The following SRGAP3 variants were observed in gnomAD, a reference collection of about 807,000 sequenced individuals.
The protein encoded by SRGAP3 is SLIT-ROBO Rho GTPase-activating protein 3.
In SRGAP3, 39 loss-of-function variants were observed where a neutral mutation model predicts 121.1. That is an observed-to-expected ratio of 0.32 (90% CI 0.25 to 0.42). The LOEUF is 0.42. SRGAP3 is among the 10% of genes least tolerant of loss of function. The probability of loss-of-function intolerance (pLI) is 1.00; values close to 1 mark genes in which losing one functional copy is unlikely to be tolerated. For synonymous variants in SRGAP3, 601 were observed against 570.0 expected (o/e 1.05, Z -0.77); for missense variants, 1,213 against 1,470.6 (o/e 0.82, Z 2.86).
At chr3:9,170,782 C>A (rs1470679213) in intron 1 of SRGAP3, among the ~76,000 whole-genome samples, 1 of 152,254 alleles carries the variant, frequency 6.6e-6, no homozygotes, top group East Asian at 1.9e-4. Flanking sequence ...ACCACAGATA[C>A]CTGCCCTCAG....
intron 1 of SRGAP3, among the ~76,000 whole-genome samples, chr3:9,222,348 G>T (rs982593873): frequency 6.6e-6 from 1 of 152,210 alleles, no homozygotes; most frequent in African/African-American, 2.4e-5. Flanking sequence ...CCGATTCGTA[G>T]AACAAACCAG....
At chr3:9,064,246 T>C in intron 5 of SRGAP3, 150 bp downstream of exon 5, 2 of 1,034,326 alleles carry the variant, frequency 1.9e-6, no homozygotes, top group Non-Finnish European at 2.8e-6. Flanking sequence ...AAAGAGGAGA[T>C]GCTGGCTACA....
intron 1 of SRGAP3, among the ~76,000 whole-genome samples, chr3:9,159,194 C>T (rs1950523952): frequency 6.6e-6 from 1 of 152,270 alleles, no homozygotes. Context: ...CCCCACCACC[C>T]ACCATCCCAC....
At chr3:9,271,208 C>T (rs1034389593) in intron 3 of SRGAP3, among the ~76,000 whole-genome samples, 16 of 152,190 alleles carry the variant, frequency 1.1e-4, no homozygotes, top group African/African-American at 3.9e-4. Context: ...GTGGCATGCG[C>T]CTGTAATCCC....
intron 1 of SRGAP3, among the ~76,000 whole-genome samples, chr3:9,331,857 T>A (rs1244052693): frequency 6.6e-6 from 1 of 152,068 alleles, no homozygotes; most frequent in African/African-American, 2.4e-5. Context: ...ACCTTCCAAA[T>A]GAATTAACCC....
At chr3:9,144,692 A>C (rs1949966999) in intron 1 of SRGAP3, among the ~76,000 whole-genome samples, 1 of 152,170 alleles carries the variant, frequency 6.6e-6, no homozygotes, top group Non-Finnish European at 1.5e-5. Context: ...TTCACCTCCC[A>C]CCATGATTCT....
At chr3:9,146,838 A>G (rs1950042499) in intron 1 of SRGAP3, among the ~76,000 whole-genome samples, 1 of 152,194 alleles carries the variant, frequency 6.6e-6, no homozygotes, top group Non-Finnish European at 1.5e-5. Context: ...CAGGAAGCAG[A>G]GGTCAACCAC....
At chr3:9,107,373 T>C (rs1052394370) in intron 2 of SRGAP3, among the ~76,000 whole-genome samples, 1 of 152,220 alleles carries the variant, frequency 6.6e-6, no homozygotes, top group African/African-American at 2.4e-5. Context: ...AGAGCATCAG[T>C]TCTGCTGGAG....
chr3:9,248,351 A>G (rs1387175491), intron 1 of SRGAP3, among the ~76,000 whole-genome samples: 1 of 152,242 alleles, frequency 6.6e-6, no homozygotes, highest in Non-Finnish European at 1.5e-5. Flanking sequence ...AGGCCAGCCC[A>G]GAGACACCGA....
intron 1 of SRGAP3, among the ~76,000 whole-genome samples, chr3:9,174,642 C>T (rs1482624737): frequency 6.6e-6 from 1 of 152,208 alleles, no homozygotes; most frequent in African/African-American, 2.4e-5. Flanking sequence ...CCTAAGGTTT[C>T]AGGACCCATG....
At chr3:9,253,697 C>T (rs1483631684), upstream of SRGAP3, among the ~76,000 whole-genome samples, 1 of 152,132 alleles carries the variant, frequency 6.6e-6, no homozygotes, top group African/African-American at 2.4e-5. Context: ...AAGCAACAAG[C>T]AGAACTCAGC....
chr3:8,992,947 C>T lies in SRGAP3; in HGVS notation c.2517G>A (p.Thr839=), dbSNP rs757004213. The T allele has an allele frequency of 3.0e-5, 48 of 1,614,110 alleles. No homozygotes were observed. The highest frequency in any genetic ancestry group is 3.7e-5 in the Non-Finnish European group (44 of 1,180,056). The change falls in exon 20 of 22, where the codon ACG becomes ACA. Residue 839 remains threonine (T), a synonymous_variant. Transcript: ENST00000383836. The stretch of plus-strand genomic sequence containing the variant: ...CAAAGCCGTAATCCGAGATGTGCTC[C>T]GTGGGGGACTGGAGGTCGTTTTTGG... ...ASSKNDLQSP[T]EHISDYGFGG...
At chr3:9,356,807 C>T (rs2030540948) in intron 1 of SRGAP3, among the ~76,000 whole-genome samples, 1 of 151,980 alleles carries the variant, frequency 6.6e-6, no homozygotes, top group South Asian at 2.1e-4. Context: ...TGTGCCCAGC[C>T]TGGGACATGA....
intron 1 of SRGAP3, among the ~76,000 whole-genome samples, chr3:9,344,673 G>T (rs1436971573): frequency 6.6e-6 from 1 of 151,328 alleles, no homozygotes; most frequent in African/African-American, 2.4e-5. Flanking sequence ...GAAAACAGGA[G>T]ATTTTATCCA....
chr3:9,026,142 G>A (rs950607411), intron 13 of SRGAP3, among the ~76,000 whole-genome samples: 6 of 152,098 alleles, frequency 3.9e-5, no homozygotes, highest in Non-Finnish European at 7.3e-5. Context: ...CTGCATAGCT[G>A]GCTGCTTCTA....
intron 4 of SRGAP3, among the ~76,000 whole-genome samples, chr3:9,067,428 A>T (rs1946482048): frequency 6.6e-6 from 1 of 150,760 alleles, no homozygotes; most frequent in South Asian, 2.1e-4. Flanking sequence ...TCTCCCTAAG[A>T]CTCCAAAAAA....
At chr3:9,037,512 C>T (rs554308484) in intron 11 of SRGAP3, 18 of 155,468 alleles carry the variant, frequency 1.2e-4, no homozygotes, top group South Asian at 7.9e-4. Context: ...TGTTACTTTC[C>T]GTCAGCTCAT....
intron 1 of SRGAP3, chr3:9,330,631 A>G (rs1208129274): frequency 6.6e-6 from 1 of 152,342 alleles, no homozygotes; most frequent in Non-Finnish European, 1.5e-5. Flanking sequence ...AATTAAATTT[A>G]AAGGAGTTTA....
chr3:9,050,918 G>C (rs1278885854), intron 9 of SRGAP3, among the ~76,000 whole-genome samples: 1 of 151,750 alleles, frequency 6.6e-6, no homozygotes, highest in Non-Finnish European at 1.5e-5. Context: ...TTTGACAAGG[G>C]ATTTGACAAA....
Sources: allele counts gnomAD v4.1 joint callset (sites outside exome capture counted in the v4.1 genomes callset), GRCh38; gene constraint gnomAD v4.1.1; transcripts MANE v1.5; gene names NCBI Gene and HGNC (gene_info 2026-07-23, HGNC 2026-07-21).